Variants in TRAF7 observed in about 807,000 individuals in gnomAD.
The protein encoded by TRAF7 is E3 ubiquitin-protein ligase TRAF7.
TRAF7 carries 45 observed loss-of-function variants against 89.3 expected under a neutral mutation model. The observed-to-expected ratio is 0.50, with a 90% CI of 0.40 to 0.65. The LOEUF is 0.65. Ranked by LOEUF, TRAF7 falls within the 30% of genes least tolerant of loss-of-function variation. TRAF7 has a pLI of 0.00. For missense variants in TRAF7, 677 were observed against 918.1 expected, an observed-to-expected ratio of 0.74 and a Z score of 3.39; for synonymous variants, 406 against 369.2, an observed-to-expected ratio of 1.10 and a Z score of -1.14.
intron 14 of TRAF7, 39 bp from the exon 15 acceptor site, chr16:2,175,072 A>G: frequency 6.2e-7 from 1 of 1,613,500 alleles, no homozygotes; most frequent in Non-Finnish European, 8.5e-7. Context: ...GCATGGACAC[A>G]GCTTCTCCCA....
Position 2,168,025 on chromosome 16 carries a change from C to T in TRAF7, c.140-52C>T. On this transcript the variant is annotated intron_variant, in intron 3 of 20. Transcript: ENST00000326181. The surrounding 1 kb of genome is among the most constrained non-coding windows in gnomAD (Gnocchi z 4.1). ...GTATCCAGCATGGGCCCCACCTCCC[C>T]CACATCTGCTGAGGGAGCCCCCACT... 1 of 1,553,142 alleles carries T rather than the reference C, an allele frequency of 6.4e-7. No homozygotes were observed. Among genetic ancestry groups the T allele is most frequent in the South Asian group, 1.1e-5 (1 of 89,600 alleles).
At chr16:2,157,337 ACCCCAACCTGACG>A (rs991666429) in intron 1 of TRAF7, among the ~76,000 whole-genome samples, 1 of 150,718 alleles carries the variant, frequency 6.6e-6, no homozygotes, top group Non-Finnish European at 1.5e-5. Context: ...GGGAGTCAGC[ACCCCAACCTGACG>A]CCCCAACCTG....
Position 2,171,621 on chromosome 16 carries a change from G to A in TRAF7, c.475+16G>A, listed in dbSNP as rs377112817. ...TTGAAGTCAGGTAGGTTTGTGCCCC[G>A]GCCCAGGCCTGACGCCGACCGTGCC... On this transcript the variant is annotated intron_variant, in intron 7 of 20. Transcript: ENST00000326181. 65 of 1,613,052 alleles carry A rather than the reference G, an allele frequency of 4.0e-5. 1 individual carries two copies. The African/African-American group carries it at 6.8e-4, about 17-fold the overall frequency.
chr16:2,159,027 GA>G lies in TRAF7; in HGVS notation c.-39+3175del, dbSNP rs1292845710. 3.3e-5 allele frequency among the ~76,000 whole-genome samples: 5 copies of G among 152,140 alleles called. No individual in the cohort carries two copies. The highest frequency in any genetic ancestry group is 1.2e-4 in the African/African-American group (5 of 41,424). On this transcript the variant is annotated intron_variant, in intron 1 of 20. Transcript: ENST00000326181. This position sits in a 1 kb window ranked among gnomAD's most constrained non-coding sequence, Gnocchi z 6.5. ...CAATAGACAGCCATGAGATACAGGGGAAAAAAGGACTGAGAGATGTTGCCAG... is the reference window on the plus strand; with the variant it reads ...CAATAGACAGCCATGAGATACAGGGGAAAAAGGACTGAGAGATGTTGCCAG...
At chr16:2,172,621 GTGGGCC>G in intron 9 of TRAF7, 22 bp downstream of exon 9, 7 of 1,316,852 alleles carry the variant, frequency 5.3e-6, no homozygotes, top group Non-Finnish European at 6.4e-6. Context: ...GCGGGCGGGG[GTGGGCC>G]GGGGTGGGCG....
rs768559126 is a variant in TRAF7, at chr16:2,176,329, CGCTG to C, written c.1948_1951del (p.Ala650CysfsTer15). The C allele has an allele frequency of 1.2e-6, 2 of 1,604,688 alleles. No individual in the cohort carries two copies. The highest frequency in any genetic ancestry group is 1.3e-5 in the African/African-American group (1 of 75,034). ...CTGCGTCACCAGGGCAGTGTCACCG[CGCTG>C]GCTGTGTCCCGGGGCCGACTCTTCT... On this transcript the variant is annotated frameshift_variant, in exon 20 of 21. Coordinates refer to ENST00000326181, the MANE Select transcript of TRAF7 (RefSeq NM_032271.3). LOFTEE classifies it high-confidence loss of function.
chr16:2,159,722 G>A lies in TRAF7; in HGVS notation c.-39+3864G>A, dbSNP rs942515578. ...GCCGTCCCAGGCTCCTCCCAGGGCA[G>A]TTGCAGGCCTCACAGGCACACCCAC... On this transcript the variant is annotated intron_variant, in intron 1 of 20. Coordinates refer to ENST00000326181, the MANE Select transcript of TRAF7 (RefSeq NM_032271.3). The surrounding 1 kb of genome is among the most constrained non-coding windows in gnomAD (Gnocchi z 6.5). 7.9e-5 allele frequency among the ~76,000 whole-genome samples: 12 copies of A among 152,218 alleles called. No homozygotes were observed. Among genetic ancestry groups the A allele is most frequent in the African/African-American group, 2.9e-4 (12 of 41,460 alleles).
In TRAF7 at chr16:2,163,884, AG is replaced by A; in HGVS notation, c.-35del. On this transcript the variant is annotated splice_region_variant and 5_prime_UTR_variant, in exon 2 of 21. The change abolishes the stop of an existing upstream ORF in the 5' untranslated region. Coordinates refer to ENST00000326181, the MANE Select transcript of TRAF7 (RefSeq NM_032271.3). The surrounding 1 kb of genome is among the most constrained non-coding windows in gnomAD (Gnocchi z 4.3). The stretch of plus-strand genomic sequence containing the variant: ...CCCTCATTTGTGCTCCACCCACAGG[AG>A]GTGCTTCCCAAGGACCGTAGATGCC... 6.3e-7 allele frequency: 1 copy of A among 1,583,858 alleles called. No homozygotes were observed. The highest frequency in any genetic ancestry group is 8.6e-7 in the Non-Finnish European group (1 of 1,156,966).
intron 1 of TRAF7, among the ~76,000 whole-genome samples, chr16:2,157,210 T>C (rs1453318980): frequency 6.6e-6 from 1 of 152,062 alleles, no homozygotes; most frequent in Admixed American, 6.5e-5. Context: ...GCCTCTCTGT[T>C]GCGAATATCC....
rs1040327914 is a variant in TRAF7 at position 2,157,349 on chromosome 16, C to T, written c.-39+1491C>T. 3.6e-4 allele frequency among the ~76,000 whole-genome samples: 55 copies of T among 151,996 alleles called. 1 individual carries two copies. Among genetic ancestry groups the T allele is most frequent in the African/African-American group, 9.9e-4 (41 of 41,462 alleles). ...GCTGGGAGTCAGCACCCCAACCTGA[C>T]GCCCCAACCTGAGGGTCTCTGGTGA... is the stretch of plus-strand genomic sequence containing the variant. On this transcript the variant is annotated intron_variant, in intron 1 of 20. Coordinates refer to ENST00000326181, the MANE Select transcript of TRAF7 (RefSeq NM_032271.3).
Position 2,164,014 on chromosome 16 carries a change from C to G in TRAF7, c.81+13C>G, listed in dbSNP as rs2093067926. ...CGTCACCACAGGGGTAAGGGTGTGC[C>G]CCTCTGCAAGCCCAACATCCCCAGG... On this transcript the variant is annotated intron_variant, in intron 2 of 20. Transcript: ENST00000326181. The G allele has an allele frequency of 1.9e-6, 3 of 1,600,724 alleles. No homozygotes were observed. The Admixed American group carries it at 5.1e-5, about 27-fold the overall frequency.
At chr16:2,170,586 C>G (rs752184211) in intron 4 of TRAF7, 28 bp from the exon 5 acceptor site, 5 of 1,585,784 alleles carry the variant, frequency 3.2e-6, no homozygotes. Context: ...TGCGGAGCCC[C>G]CCGACAGGCG....
Position 2,168,472 on chromosome 16 carries a change from C to CA in TRAF7, c.231+305dup. On this transcript the variant is annotated intron_variant, in intron 4 of 20. Coordinates refer to ENST00000326181, the MANE Select transcript of TRAF7 (RefSeq NM_032271.3). The surrounding 1 kb of genome is among the most constrained non-coding windows in gnomAD (Gnocchi z 4.1). ...AGGGAGGTGGAAACCACAGAAAGTT[C>CA]AGTCAGGAGGATAGCACAATAAAAT... 2.8e-6 allele frequency: 1 copy of CA among 360,248 alleles called. No homozygotes were observed. Among genetic ancestry groups the CA allele is most frequent in the Non-Finnish European group, 5.2e-6 (1 of 193,186 alleles). 22.3% of individuals were successfully genotyped at this position (360,248 alleles called of 1,614,324 possible). A position where few individuals can be genotyped will look rare whatever the true frequency, so the allele number is the denominator to read the frequency against.
intron 2 of TRAF7, among the ~76,000 whole-genome samples, chr16:2,165,266 TA>T: frequency 7.3e-6 from 1 of 137,200 alleles, no homozygotes; most frequent in Non-Finnish European, 1.6e-5. Flanking sequence ...GTCGCATGGT[TA>T]AGCGTGTTAG....
rs768293694 is a variant in TRAF7 at position 2,161,028 on chromosome 16, C to T, written c.-38-2855C>T. On this transcript the variant is annotated intron_variant, in intron 1 of 20. Transcript: ENST00000326181. The surrounding 1 kb of genome is among the most constrained non-coding windows in gnomAD (Gnocchi z 5.2). Reference sequence around the variant, plus strand: ...GGGCATCTTGCTCAATTCCGAGGTGCGGGGATGGATCCTGCCTTAGGGCGG... The same window carrying T: ...GGGCATCTTGCTCAATTCCGAGGTGTGGGGATGGATCCTGCCTTAGGGCGG... Among the ~76,000 whole-genome samples the T allele has an allele frequency of 3.9e-5, 6 of 152,036 alleles. No homozygotes were observed. The highest frequency in any genetic ancestry group is 1.3e-4 in the Admixed American group (2 of 15,286).
chr16:2,177,895 T>C lies in TRAF7; in HGVS notation c.*1321T>C, dbSNP rs2093147170. On this transcript the variant is annotated 3_prime_UTR_variant, in exon 21 of 21. Transcript: ENST00000326181. ...CCGGGCCCCAGCCTTCCACCTGTGC[T>C]AGCAGCCTGGGGCCTCCACTCTGGC... The C allele has an allele frequency of 3.1e-6, 1 of 317,584 alleles. No homozygotes were observed. 19.7% of individuals were successfully genotyped at this position (317,584 alleles called of 1,614,324 possible).
At chr16:2,160,074 G>T (rs1196210030) in intron 1 of TRAF7, among the ~76,000 whole-genome samples, 1 of 152,224 alleles carries the variant, frequency 6.6e-6, no homozygotes, top group Non-Finnish European at 1.5e-5. Flanking sequence ...AGGGGCTGGG[G>T]TGGAGGCAGC....
intron 17 of TRAF7, 58 bp downstream of exon 17, chr16:2,175,680 G>A (rs2141295892): frequency 1.3e-6 from 2 of 1,595,700 alleles, no homozygotes; most frequent in Non-Finnish European, 1.7e-6. Context: ...CACTTCCCAG[G>A]CCAGCACCTG....
intron 7 of TRAF7, among the ~76,000 whole-genome samples, chr16:2,171,958 T>C (rs530753107): frequency 6.6e-6 from 1 of 152,270 alleles, no homozygotes; most frequent in Admixed American, 6.5e-5. Context: ...CACTCTGCCC[T>C]CTGCCCTCTT....
Sources: allele counts gnomAD v4.1 joint callset (sites outside exome capture counted in the v4.1 genomes callset), GRCh38; gene constraint gnomAD v4.1.1; non-coding constraint Gnocchi (gnomAD v3.1); transcripts MANE v1.5; gene names NCBI Gene and HGNC (gene_info 2026-07-23, HGNC 2026-07-21).